ROBO2: variants seen among roughly 807,000 people sequenced by gnomAD.
ROBO2 encodes the protein roundabout homolog 2.
In ROBO2, 53 loss-of-function variants were observed where a neutral mutation model predicts 160.8. The ratio of observed to expected loss-of-function variants is 0.33; its 90% CI spans 0.26 to 0.41. The LOEUF (loss-of-function observed/expected upper bound fraction) is 0.41, where lower values mean the gene tolerates loss of function less well. Among genes scored for constraint, ROBO2 ranks in the 10% least tolerant of loss-of-function variants. The pLI, the probability that ROBO2 is intolerant of heterozygous loss-of-function variation, is 1.00. For missense variants in ROBO2, 1,577 were observed against 1,722.4 expected, an observed-to-expected ratio of 0.92 and a Z score of 1.49; for synonymous variants, 664 against 611.7, an observed-to-expected ratio of 1.09 and a Z score of -1.26.
intron 2 of ROBO2, among the ~76,000 whole-genome samples, chr3:76,745,855 T>C (rs1305546489): frequency 2.0e-5 from 3 of 150,616 alleles, no homozygotes; most frequent in African/African-American, 4.9e-5. Flanking sequence ...TATTATACTT[T>C]AAGTTTTAGG....
chr3:77,272,720 T>C (rs1382478001), intron 2 of ROBO2, among the ~76,000 whole-genome samples: 1 of 152,178 alleles, frequency 6.6e-6, no homozygotes, highest in African/African-American at 2.4e-5. Context: ...ATCTTTATCA[T>C]AGTGGATCAT....
intron 2 of ROBO2, among the ~76,000 whole-genome samples, chr3:76,064,244 A>G (rs2068167775): frequency 6.6e-6 from 1 of 152,174 alleles, no homozygotes; most frequent in Non-Finnish European, 1.5e-5. Flanking sequence ...GTGTTGTGTT[A>G]CGCTTCTAAT....
chr3:76,184,322 T>A (rs17140463), intron 2 of ROBO2, among the ~76,000 whole-genome samples: 3,601 of 152,072 alleles, frequency 0.024, 213 homozygotes, highest in East Asian at 0.2. Flanking sequence ...GCTTGTTAAC[T>A]TGCCAACGAT....
At chr3:77,249,413 G>A (rs890473251) in intron 2 of ROBO2, among the ~76,000 whole-genome samples, 8 of 152,078 alleles carry the variant, frequency 5.3e-5, no homozygotes, top group Non-Finnish European at 8.8e-5. Context: ...ACTCTGAAAC[G>A]TCATGGCATC....
At chr3:77,636,959 G>A (rs1283793861) in intron 24 of ROBO2, among the ~76,000 whole-genome samples, 1 of 152,202 alleles carries the variant, frequency 6.6e-6, no homozygotes, top group Non-Finnish European at 1.5e-5. Flanking sequence ...TATTTAAAGT[G>A]TGTAGTACAA....
At chr3:76,325,119 C>A (rs1456407238) in intron 2 of ROBO2, among the ~76,000 whole-genome samples, 1 of 152,156 alleles carries the variant, frequency 6.6e-6, no homozygotes. Context: ...CAAAAACAAA[C>A]AAACAAAACA....
intron 2 of ROBO2, among the ~76,000 whole-genome samples, chr3:77,440,394 C>T (rs2079789135): frequency 2.0e-5 from 3 of 152,072 alleles, no homozygotes; most frequent in Non-Finnish European, 4.4e-5. Context: ...AGTTAAATCA[C>T]CAGTATCACA....
chr3:77,454,284 A>G (rs1408733933), intron 2 of ROBO2, among the ~76,000 whole-genome samples: 4 of 152,116 alleles, frequency 2.6e-5, no homozygotes, highest in African/African-American at 7.2e-5. Flanking sequence ...CAATTTGGTT[A>G]TTGGGTTTTT....
chr3:76,434,490 C>G, intron 2 of ROBO2: 1 of 1,556,668 alleles, frequency 6.4e-7, no homozygotes, highest in Non-Finnish European at 8.9e-7. Flanking sequence ...ATGTTTTATA[C>G]AAACCGAGTC....
At chr3:77,067,654 T>C (rs181155176) in intron 1 of ROBO2, among the ~76,000 whole-genome samples, 94 of 152,314 alleles carry the variant, frequency 6.2e-4, no homozygotes, top group Non-Finnish European at 1.1e-3. Context: ...GTGTTTGTTT[T>C]TTCTTTTCAT....
At chr3:75,922,852 T>A (rs1323980293) in intron 1 of ROBO2, among the ~76,000 whole-genome samples, 1 of 152,190 alleles carries the variant, frequency 6.6e-6, no homozygotes, top group Non-Finnish European at 1.5e-5. Context: ...ATTTCCATAA[T>A]TTTTCTTCTG....
rs574986076 is a variant in ROBO2, at chr3:77,565,271, T to A, written c.1849+151T>A. 151 of 960,836 alleles carry A rather than the reference T, an allele frequency of 1.6e-4. 1 individual carries two copies. In the South Asian group the frequency reaches 2.0e-3, roughly 13 times the overall value. 59.5% of individuals were successfully genotyped at this position (960,836 alleles called of 1,614,324 possible). A position where few individuals can be genotyped will look rare whatever the true frequency, so the allele number is the denominator to read the frequency against. ...TCCAGGGAAGGAGAAGGTAGCTTGC[T>A]GTTTATCTTGGTGAGATGTGTTCTC... On this transcript the variant is annotated intron_variant, in intron 12 of 25. Coordinates refer to ENST00000461745, the Ensembl canonical transcript of ROBO2.
intron 2 of ROBO2, among the ~76,000 whole-genome samples, chr3:77,397,396 T>C (rs1006176624): frequency 6.6e-6 from 1 of 152,174 alleles, no homozygotes; most frequent in Non-Finnish European, 1.5e-5. Context: ...GTTTCTATAG[T>C]GAAGTAGAAA....
At chr3:77,183,493 C>T (rs2080991979) in intron 2 of ROBO2, among the ~76,000 whole-genome samples, 1 of 151,950 alleles carries the variant, frequency 6.6e-6, no homozygotes. Context: ...GAAATTAGAA[C>T]ACAAACACAC....
At position 76,202,905 on chromosome 3, in the gene ROBO2, C is replaced by T. The variant is rs1017135634; in HGVS notation, c.109+265303C>T. On this transcript the variant is annotated intron_variant, in intron 2 of 26. Transcript: ENST00000487694. The stretch of plus-strand genomic sequence containing the variant: ...CTGTCTCTGATATACCTTGGGCTCT[C>T]TAGGCAGAGTGACACTGTGTTCAGG... Among the ~76,000 whole-genome samples the T allele has an allele frequency of 5.7e-4, 86 of 152,076 alleles. 1 individual carries two copies. The highest frequency in any genetic ancestry group is 1.9e-3 in the African/African-American group (78 of 41,426).
At chr3:76,806,854 G>T (rs1433977263) in intron 2 of ROBO2, among the ~76,000 whole-genome samples, 1 of 151,998 alleles carries the variant, frequency 6.6e-6, no homozygotes, top group Non-Finnish European at 1.5e-5. Context: ...ATGAGAATAT[G>T]TATCACTTCC....
intron 2 of ROBO2, among the ~76,000 whole-genome samples, chr3:76,106,508 T>C (rs1435599070): frequency 2.0e-5 from 3 of 152,118 alleles, no homozygotes; most frequent in Non-Finnish European, 2.9e-5. Context: ...TTTCCCACTA[T>C]TTTCATGACA....
intron 2 of ROBO2, among the ~76,000 whole-genome samples, chr3:77,449,793 G>T (rs990549927): frequency 6.6e-6 from 1 of 152,050 alleles, no homozygotes; most frequent in African/African-American, 2.4e-5. Flanking sequence ...GTCTCTCACA[G>T]TGAGCAAAGT....
chr3:75,996,782 AATCATCAATTCTGATATATGTAAATC>A (rs2065739621), intron 2 of ROBO2, among the ~76,000 whole-genome samples: 2 of 81,382 alleles, frequency 2.5e-5, no homozygotes, highest in South Asian at 6.8e-4. Context: ...GATATATGTA[AATCATCAATTCTGATATATGTAAATC>A]ATCAATTCTG....
Sources: allele counts gnomAD v4.1 joint callset (sites outside exome capture counted in the v4.1 genomes callset), GRCh38; gene constraint gnomAD v4.1.1; transcripts MANE v1.5; gene names NCBI Gene and HGNC (gene_info 2026-07-23, HGNC 2026-07-21).